Variants in VSIG10 observed in about 807,000 individuals in gnomAD.
The protein encoded by VSIG10 is V-set and immunoglobulin domain-containing protein 10.
Under a neutral mutation model 58.7 loss-of-function variants are expected in VSIG10, and 48 were observed. The ratio of observed to expected loss-of-function variants is 0.82; its 90% CI spans 0.65 to 1.04. The LOEUF is 1.04. Among genes scored for constraint, VSIG10 ranks in the 50% least tolerant of loss-of-function variants. VSIG10 has a pLI of 0.00. For synonymous variants in VSIG10, 260 were observed against 267.1 expected (o/e 0.97, Z 0.26); for missense variants, 628 against 670.0 (o/e 0.94, Z 0.69).
chr12:118,066,777 T>C (rs1380855170), intron 8 of VSIG10, 83 bp from the exon 9 acceptor site: 4 of 1,406,804 alleles, frequency 2.8e-6, no homozygotes, highest in Non-Finnish European at 2.9e-6. Context: ...ATCTCAGTGA[T>C]TTCTAGTCCT....
In VSIG10 at chr12:118,065,050, CTT is replaced by C. The variant is rs540967871; in HGVS notation, c.*1587_*1588del. ...AAGAAATTTATATGAAATCGGAAAA[CTT>C]AAATCTTGAAACTATACAAGGATCT... On this transcript the variant is annotated 3_prime_UTR_variant, in exon 9 of 9. Transcript: ENST00000359236. 3.4e-3 allele frequency: 512 copies of C among 152,328 alleles called. 2 individuals carry two copies. Among genetic ancestry groups the C allele is most frequent in the African/African-American group, 0.012 (488 of 41,576 alleles). 9.4% of individuals were successfully genotyped at this position (152,328 alleles called of 1,614,324 possible).
At chr12:118,088,114 G>A (rs759627558) in intron 2 of VSIG10, among the ~76,000 whole-genome samples, 18 of 151,770 alleles carry the variant, frequency 1.2e-4, no homozygotes, top group East Asian at 7.8e-4. Context: ...GCGTGGTGGC[G>A]CACGCCTGTA....
At position 118,068,522 on chromosome 12, in the gene VSIG10, T is replaced by C. The variant is rs766685395; in HGVS notation, c.1422A>G (p.Glu474=). The C allele has an allele frequency of 1.2e-6, 2 of 1,602,346 alleles. No homozygotes were observed. The highest frequency in any genetic ancestry group is 1.7e-6 in the Non-Finnish European group (2 of 1,174,158). The change falls in exon 8 of 9, where the codon GAA becomes GAG. Residue 474 remains glutamate, a synonymous_variant. Transcript: ENST00000359236. ...CCTCCTGTTCCCCTACTGCAGCATC[T>C]TCCTCCTCCTCCTCCTCCTCCTCCT... ...EEEEEEEEEE[E]DAAVGEQEGA...
chr12:118,096,019 G>A (rs919418460), intron 1 of VSIG10, among the ~76,000 whole-genome samples: 16 of 144,574 alleles, frequency 1.1e-4, no homozygotes, highest in Non-Finnish European at 2.2e-4. Flanking sequence ...TCTGCCTCCC[G>A]GGTTCAAGCT....
At position 118,100,671 on chromosome 12, in the gene VSIG10, G is replaced by A. The variant is rs189795028; in HGVS notation, c.79+2922C>T. On this transcript the variant is annotated intron_variant, in intron 1 of 8. Coordinates refer to ENST00000359236, the MANE Select transcript of VSIG10 (RefSeq NM_019086.6). Reference sequence around the variant, plus strand: ...AGTCTTCTGAGTAGCTGGGATTACAGGCACCCGCCATCATGCCCCGCTAAG... The same window carrying A: ...AGTCTTCTGAGTAGCTGGGATTACAAGCACCCGCCATCATGCCCCGCTAAG... Among the ~76,000 whole-genome samples the A allele has an allele frequency of 2.0e-5, 3 of 152,220 alleles. No homozygotes were observed. In the East Asian group the frequency reaches 5.8e-4, roughly 29 times the overall value.
chr12:118,077,455 TTC>T (rs577799026), intron 4 of VSIG10, among the ~76,000 whole-genome samples: 5 of 152,200 alleles, frequency 3.3e-5, no homozygotes, highest in Admixed American at 2.0e-4. Context: ...TTTTTGTACT[TTC>T]TGTCTTCCTT....
intron 2 of VSIG10, among the ~76,000 whole-genome samples, chr12:118,086,917 C>T (rs1171668749): frequency 2.6e-5 from 4 of 152,050 alleles, no homozygotes; most frequent in Admixed American, 1.3e-4. Flanking sequence ...TGTGTCACCA[C>T]GCCCAGCTAA....
intron 1 of VSIG10, among the ~76,000 whole-genome samples, chr12:118,096,062 A>G (rs1310398107): frequency 6.6e-6 from 1 of 150,874 alleles, no homozygotes. Flanking sequence ...AGTAGCTGGG[A>G]TTACAGGCAC....
At chr12:118,081,787 C>T (rs139751014) in intron 3 of VSIG10, among the ~76,000 whole-genome samples, 61 of 152,210 alleles carry the variant, frequency 4.0e-4, no homozygotes, top group African/African-American at 9.4e-4. Context: ...GAAGCCAAGG[C>T]GGGTGGATCA....
chr12:118,073,881 C>T lies in VSIG10; in HGVS notation c.1037G>A (p.Arg346Lys). ...GATCACCTCGGGCTGGGTAAGGTTC[C>T]TCAGCCACAGGATCTTGGCAGGGGG... is the stretch of plus-strand genomic sequence containing the variant. ...AYPPAKILWL[R>K]NLTQPEVIIQ... Residue 346 changes from arginine to lysine, a missense_variant, in exon 5 of 9, where the codon AGG (arginine) becomes AAG (lysine). Transcript: ENST00000359236. 1.2e-6 allele frequency: 2 copies of T among 1,613,932 alleles called. No individual in the cohort carries two copies. The highest frequency in any genetic ancestry group is 1.7e-6 in the Non-Finnish European group (2 of 1,179,870).
In VSIG10 at chr12:118,095,784, T is replaced by G; in HGVS notation, c.110A>C (p.His37Pro). 6.2e-7 allele frequency: 1 copy of G among 1,611,974 alleles called. No homozygotes were observed. The change falls in exon 2 of 9, where the codon CAT (histidine) becomes CCT (proline). Residue 37 changes from histidine (H) to proline (P), a missense_variant. Transcript: ENST00000359236. The part of the protein sequence containing the change: ...GLEAVVIGEV[H>P]ENVTLHCGNI... Reference sequence around the variant, plus strand: ...GCCACAGTGCAGAGTAACATTCTCATGAACTTCTCCAATGACAACAGCCTC... The same window carrying G: ...GCCACAGTGCAGAGTAACATTCTCAGGAACTTCTCCAATGACAACAGCCTC...
intron 2 of VSIG10, among the ~76,000 whole-genome samples, chr12:118,090,261 T>C (rs551035669): frequency 4.3e-4 from 66 of 152,210 alleles, no homozygotes; most frequent in African/African-American, 1.5e-3. Flanking sequence ...GCCGAGATCA[T>C]GCCACTGCAC....
chr12:118,085,936 C>T (rs1267088331), intron 2 of VSIG10, among the ~76,000 whole-genome samples: 2 of 151,756 alleles, frequency 1.3e-5, no homozygotes, highest in Non-Finnish European at 2.9e-5. Flanking sequence ...GCGTGTGGAT[C>T]ACCTGAGGTC....
intron 4 of VSIG10, 105 bp downstream of exon 4, chr12:118,079,241 C>G (rs1157603942): frequency 6.8e-7 from 1 of 1,467,380 alleles, no homozygotes; most frequent in Non-Finnish European, 9.1e-7. Context: ...TTCAGTCCAC[C>G]CTGACATCCG....
chr12:118,088,536 C>T (rs565723535), intron 2 of VSIG10, among the ~76,000 whole-genome samples: 2 of 152,284 alleles, frequency 1.3e-5, no homozygotes, highest in East Asian at 1.9e-4. Context: ...TGGACCACTC[C>T]GAAATACCAC....
chr12:118,074,497 G>T lies in VSIG10; in HGVS notation c.926-505C>A, dbSNP rs1287528314. Among the ~76,000 whole-genome samples the T allele has an allele frequency of 2.4e-3, 304 of 124,340 alleles. 1 individual carries two copies. The highest frequency in any genetic ancestry group is 6.9e-3 in the African/African-American group (229 of 33,080). 81.6% of individuals were successfully genotyped at this position (124,340 alleles called of 152,430 possible). A position where few individuals can be genotyped will look rare whatever the true frequency, so the allele number is the denominator to read the frequency against. On this transcript the variant is annotated intron_variant, in intron 4 of 8. Coordinates refer to ENST00000359236, the MANE Select transcript of VSIG10 (RefSeq NM_019086.6). ...AAATGAACAATTTTTTTTTTTTTTT[G>T]AGATGGAGTCTCACTTTGTCGCCCA...
chr12:118,096,798 G>C (rs937912983), intron 1 of VSIG10, among the ~76,000 whole-genome samples: 1 of 151,876 alleles, frequency 6.6e-6, no homozygotes, highest in Non-Finnish European at 1.5e-5. Flanking sequence ...CAGCACTTTG[G>C]GAGTCCAAGA....
intron 2 of VSIG10, among the ~76,000 whole-genome samples, chr12:118,084,730 T>C (rs2033067261): frequency 6.6e-6 from 1 of 151,922 alleles, no homozygotes; most frequent in Non-Finnish European, 1.5e-5. Flanking sequence ...AATACAAAAA[T>C]CAGCTGGGCG....
rs1195210472 is a variant in VSIG10 at position 118,071,449 on chromosome 12, T to TC, written c.1239dup (p.Ile414AspfsTer24). On this transcript the variant is annotated frameshift_variant, in exon 6 of 9. Transcript: ENST00000359236. LOFTEE classifies it high-confidence loss of function. ...AGGAGGCTCACAATGGTTCCCACAA[T>TC]CCCCCCGATATTTAAAGGTTCTGTA... is the stretch of plus-strand genomic sequence containing the variant. The TC allele has an allele frequency of 2.5e-6, 4 of 1,613,576 alleles. No individual in the cohort carries two copies. In the African/African-American group the frequency reaches 4.0e-5, roughly 16 times the overall value.
Sources: allele counts gnomAD v4.1 joint callset (sites outside exome capture counted in the v4.1 genomes callset), GRCh38; gene constraint gnomAD v4.1.1; transcripts MANE v1.5; gene names NCBI Gene and HGNC (gene_info 2026-07-23, HGNC 2026-07-21).